Variants in IQCJ observed in about 807,000 individuals in gnomAD.
The protein encoded by IQCJ is IQ motif containing J.
A neutral mutation model predicts 11.0 loss-of-function variants in IQCJ; 9 were observed. The ratio of observed to expected loss-of-function variants is 0.82; its 90% CI spans 0.49 to 1.43. IQCJ has a LOEUF of 1.43. Among genes scored for constraint, IQCJ ranks in the 40% most tolerant of loss-of-function variants. IQCJ has a pLI of 0.00. For missense variants in IQCJ, 146 were observed against 133.2 expected (o/e 1.10, Z -0.47); for synonymous variants, 55 against 51.3 (o/e 1.07, Z -0.31).
At chr3:159,232,919 G>C (rs1726348784) in intron 1 of IQCJ, among the ~76,000 whole-genome samples, 1 of 152,154 alleles carries the variant, frequency 6.6e-6, no homozygotes. Flanking sequence ...GCTGAGAGCT[G>C]TGTGACAGAT....
At chr3:159,221,965 CAG>C (rs1368970092) in intron 1 of IQCJ, among the ~76,000 whole-genome samples, 1 of 151,570 alleles carries the variant, frequency 6.6e-6, no homozygotes, top group African/African-American at 2.4e-5. Flanking sequence ...AAAGAGAAAA[CAG>C]AGATTTGAGA....
At chr3:159,120,118 G>A (rs183750074) in intron 1 of IQCJ, among the ~76,000 whole-genome samples, 2 of 152,300 alleles carry the variant, frequency 1.3e-5, no homozygotes, top group East Asian at 1.9e-4. Context: ...ATGCAGTTAA[G>A]TAGAAGTTGC....
intron 1 of IQCJ, among the ~76,000 whole-genome samples, chr3:159,154,788 A>G (rs747630561): frequency 3.3e-5 from 5 of 152,150 alleles, no homozygotes; most frequent in Non-Finnish European, 5.9e-5. Context: ...TGCAGTCACA[A>G]TGTCTGGTGT....
intron 1 of IQCJ, among the ~76,000 whole-genome samples, chr3:159,177,690 A>G (rs1011614630): frequency 6.6e-5 from 10 of 152,198 alleles, no homozygotes; most frequent in African/African-American, 1.9e-4. Flanking sequence ...TGATTGTAGC[A>G]TTCGTCAAAA....
intron 1 of IQCJ, among the ~76,000 whole-genome samples, chr3:159,139,281 T>G (rs945614302): frequency 4.6e-5 from 7 of 152,158 alleles, no homozygotes; most frequent in Admixed American, 2.6e-4. Context: ...TTAAAAGAAA[T>G]GAATTGGTTA....
chr3:159,116,799 G>T (rs1719049187), intron 1 of IQCJ, among the ~76,000 whole-genome samples: 1 of 151,400 alleles, frequency 6.6e-6, no homozygotes, highest in Non-Finnish European at 1.5e-5. Context: ...GTAAAAATAA[G>T]AACCAAACCA....
At chr3:159,145,374 T>G (rs2108190557) in intron 1 of IQCJ, among the ~76,000 whole-genome samples, 1 of 152,332 alleles carries the variant, frequency 6.6e-6, no homozygotes, top group East Asian at 1.9e-4. Flanking sequence ...TACTGTTAAT[T>G]CATCCATAGT....
intron 1 of IQCJ, among the ~76,000 whole-genome samples, chr3:159,188,151 C>G (rs1723480771): frequency 6.6e-6 from 1 of 152,204 alleles, no homozygotes; most frequent in African/African-American, 2.4e-5. Context: ...TGGCTCATGC[C>G]TGTAATCCCA....
At chr3:159,181,808 C>T (rs1723105642) in intron 1 of IQCJ, among the ~76,000 whole-genome samples, 1 of 151,870 alleles carries the variant, frequency 6.6e-6, no homozygotes, top group South Asian at 2.1e-4. Flanking sequence ...CTGGCTTAGG[C>T]TCTCATCAAC....
chr3:159,176,856 CTT>C (rs1722821128), intron 1 of IQCJ, among the ~76,000 whole-genome samples: 1 of 152,206 alleles, frequency 6.6e-6, no homozygotes, highest in South Asian at 2.1e-4. Flanking sequence ...AAAAGGCAAA[CTT>C]TATTTCAATT....
chr3:159,182,204 C>T (rs1433089426), intron 1 of IQCJ, among the ~76,000 whole-genome samples: 1 of 149,642 alleles, frequency 6.7e-6, no homozygotes, highest in Admixed American at 6.6e-5. Flanking sequence ...CAAAATTATA[C>T]TTTTTTTAAA....
chr3:159,103,254 T>C (rs1242007992), intron 1 of IQCJ, among the ~76,000 whole-genome samples: 2 of 152,246 alleles, frequency 1.3e-5, no homozygotes, highest in Non-Finnish European at 2.9e-5. Context: ...ACAATATTTG[T>C]ATATTTGCAG....
At chr3:159,149,587 A>T (rs1560003886) in intron 1 of IQCJ, among the ~76,000 whole-genome samples, 1 of 152,184 alleles carries the variant, frequency 6.6e-6, no homozygotes, top group Admixed American at 6.5e-5. Context: ...AGAATGGAGA[A>T]ATATAATGGG....
chr3:159,142,719 G>A (rs537111597), intron 1 of IQCJ, among the ~76,000 whole-genome samples: 6 of 152,046 alleles, frequency 3.9e-5, no homozygotes, highest in South Asian at 4.2e-4. Context: ...TACCCAGCCC[G>A]GGGGCAGGTC....
At chr3:159,249,572 AT>A (rs1235839714) in intron 2 of IQCJ, among the ~76,000 whole-genome samples, 1 of 152,088 alleles carries the variant, frequency 6.6e-6, no homozygotes, top group Admixed American at 6.5e-5. Context: ...AATTCTGGAG[AT>A]TTTTTTGGTC....
In IQCJ at chr3:159,224,260, G is replaced by A. The variant is rs547308609; in HGVS notation, c.10-21583G>A. 2.6e-5 allele frequency among the ~76,000 whole-genome samples: 4 copies of A among 152,160 alleles called. No individual in the cohort carries two copies. In the South Asian group the frequency reaches 8.3e-4, roughly 32 times the overall value. On this transcript the variant is annotated intron_variant, in intron 1 of 3. Transcript: ENST00000397832. ...CCAAAGTAGAACAATTTGAGTTATAGTAATAGGAGAAATAATAGTAATTAG... is the reference window on the plus strand; with the variant it reads ...CCAAAGTAGAACAATTTGAGTTATAATAATAGGAGAAATAATAGTAATTAG...
Position 159,195,409 on chromosome 3 carries a change from T to A in IQCJ, c.10-50434T>A, listed in dbSNP as rs199722157. ...GATGAAGCCCATATTGTTTTTCAAG[T>A]AAATAGTCTGCAGTATTATGGTCAA... On this transcript the variant is annotated intron_variant, in intron 1 of 3. Transcript: ENST00000397832. Among the ~76,000 whole-genome samples the A allele has an allele frequency of 7.9e-5, 12 of 152,276 alleles. No homozygotes were observed. The East Asian group carries it at 2.3e-3, about 29-fold the overall frequency.
chr3:159,095,262 A>C (rs894200829), intron 1 of IQCJ, among the ~76,000 whole-genome samples: 1 of 151,854 alleles, frequency 6.6e-6, no homozygotes, highest in Admixed American at 6.6e-5. Flanking sequence ...AAAATAGTAA[A>C]TGTGTATAGA....
intron 1 of IQCJ, among the ~76,000 whole-genome samples, chr3:159,168,227 G>T (rs978565112): frequency 2.6e-5 from 4 of 152,156 alleles, no homozygotes; most frequent in South Asian, 2.1e-4. Flanking sequence ...GTGCTTGAAG[G>T]CCAGTGGGGA....
Sources: gnomAD v4.1 joint callset for allele counts (sites outside exome capture counted in the v4.1 genomes callset) on GRCh38, gnomAD v4.1.1 for gene constraint, MANE v1.5 for transcripts, NCBI Gene and HGNC (gene_info 2026-07-23, HGNC 2026-07-21) for gene names.